TRPC5: variants seen among roughly 807,000 people sequenced by gnomAD.
TRPC5 encodes short transient receptor potential channel 5.
In TRPC5, 9 loss-of-function variants were observed where a neutral mutation model predicts 56.5. The ratio of observed to expected loss-of-function variants is 0.16; its 90% CI spans 0.10 to 0.28. TRPC5 has a LOEUF of 0.28. TRPC5 is among the 10% of genes least tolerant of loss of function. TRPC5 has a pLI of 1.00. For synonymous variants in TRPC5, 282 were observed against 278.5 expected, an observed-to-expected ratio of 1.01 and a Z score of -0.13; for missense variants, 469 against 748.9, an observed-to-expected ratio of 0.63 and a Z score of 4.36.
rs187531629 is a variant in TRPC5, at chrX:111,824,789, G to T, written c.1896+10132C>A. On this transcript the variant is annotated intron_variant, in intron 7 of 10. Coordinates refer to ENST00000262839, the MANE Select transcript of TRPC5 (RefSeq NM_012471.3). ...TTCTCCTCATTGTTGGGGCAGGGGG[G>T]ACTTCACTGCCTGTTGAAAAGATAG... 2.0e-4 allele frequency among the ~76,000 whole-genome samples: 22 copies of T among 112,008 alleles called. No homozygotes were observed. The East Asian group carries it at 3.9e-3, about 20-fold the overall frequency.
intron 1 of TRPC5, among the ~76,000 whole-genome samples, chrX:112,039,924 C>G (rs1193606641): frequency 2.7e-5 from 3 of 111,914 alleles, no homozygotes; most frequent in Admixed American, 1.9e-4. Flanking sequence ...TGGCATTTAC[C>G]TGACTACTGA....
chrX:111,841,775 A>G (rs1922741169), intron 6 of TRPC5, among the ~76,000 whole-genome samples: 1 of 111,044 alleles, frequency 9.0e-6, no homozygotes, highest in South Asian at 3.8e-4. Flanking sequence ...CAATGGCACA[A>G]TCTCAGCTCA....
chrX:112,020,390 C>T (rs764368468), intron 1 of TRPC5, among the ~76,000 whole-genome samples: 13 of 111,681 alleles, frequency 1.2e-4, no homozygotes, highest in South Asian at 3.8e-4. Flanking sequence ...TCTTTGAAGG[C>T]GAGTAATCAT....
chrX:111,910,552 T>C (rs1360850634), intron 3 of TRPC5, among the ~76,000 whole-genome samples: 1 of 112,420 alleles, frequency 8.9e-6, no homozygotes, highest in Non-Finnish European at 1.9e-5. Flanking sequence ...TTTTTTTTGA[T>C]ACACAGTCTC....
Position 111,778,308 on chromosome X carries a change from A to AT in TRPC5, c.2232+676_2232+677insA, listed in dbSNP as rs748965288. ...CTTAAAGTATAATAAAAAAATTAAA[A>AT]AATATATATATAGATGTGTTCTAGG... On this transcript the variant is annotated intron_variant, in intron 10 of 10. Coordinates refer to ENST00000262839, the MANE Select transcript of TRPC5 (RefSeq NM_012471.3). 1.5e-3 allele frequency among the ~76,000 whole-genome samples: 171 copies of AT among 111,391 alleles called. 3 individuals are homozygous for AT. The highest frequency in any genetic ancestry group is 5.5e-3 in the African/African-American group (169 of 30,616).
intron 1 of TRPC5, among the ~76,000 whole-genome samples, chrX:111,992,889 C>G (rs1344937830): frequency 1.8e-5 from 2 of 110,223 alleles, no homozygotes; most frequent in African/African-American, 3.3e-5. Context: ...TGTGCCCAGC[C>G]TTTAAAATTA....
intron 1 of TRPC5, among the ~76,000 whole-genome samples, chrX:112,029,136 A>AC (rs768324252): frequency 3.1e-4 from 33 of 106,237 alleles, no homozygotes; most frequent in African/African-American, 7.2e-4. Flanking sequence ...CCTCCCTCCA[A>AC]CCCCCCGTTA....
intron 7 of TRPC5, among the ~76,000 whole-genome samples, chrX:111,811,549 T>A (rs1425836281): frequency 9.0e-6 from 1 of 111,731 alleles, no homozygotes; most frequent in African/African-American, 3.3e-5. Flanking sequence ...AAGAGCAGTA[T>A]GAAATATTGA....
chrX:111,936,599 G>C (rs763773786), intron 2 of TRPC5, among the ~76,000 whole-genome samples: 1 of 103,434 alleles, frequency 9.7e-6, no homozygotes, highest in East Asian at 3.0e-4. Context: ...GCGGTGTTTG[G>C]TTTTTTGTTC....
At chrX:111,878,981 A>AG (rs1924081610) in intron 3 of TRPC5, among the ~76,000 whole-genome samples, 1 of 112,179 alleles carries the variant, frequency 8.9e-6, no homozygotes, top group Non-Finnish European at 1.9e-5. Context: ...TACTGAAACA[A>AG]TGCCAACATA....
chrX:111,914,085 G>C (rs1437523812), intron 2 of TRPC5, among the ~76,000 whole-genome samples: 3 of 111,289 alleles, frequency 2.7e-5, no homozygotes, highest in Non-Finnish European at 5.6e-5. Flanking sequence ...CTAGAGAAGG[G>C]GAGGGCTGGA....
At chrX:111,821,939 C>T (rs1922045205) in intron 7 of TRPC5, among the ~76,000 whole-genome samples, 1 of 111,319 alleles carries the variant, frequency 9.0e-6, no homozygotes, top group African/African-American at 3.3e-5. Flanking sequence ...GTTGGCACAA[C>T]CCTTCAGAGT....
chrX:111,943,952 G>C (rs1926852530), intron 2 of TRPC5, among the ~76,000 whole-genome samples: 1 of 112,260 alleles, frequency 8.9e-6, no homozygotes, highest in African/African-American at 3.2e-5. Context: ...ATGGAGTAAA[G>C]CTGAAAATAA....
chrX:111,823,636 T>C (rs746240736), intron 7 of TRPC5, among the ~76,000 whole-genome samples: 1 of 110,733 alleles, frequency 9.0e-6, no homozygotes, highest in African/African-American at 3.3e-5. Flanking sequence ...CTGGACACAC[T>C]AAAGAAGAAA....
At chrX:111,936,405 A>T (rs1182370134) in intron 2 of TRPC5, among the ~76,000 whole-genome samples, 1 of 108,436 alleles carries the variant, frequency 9.2e-6, no homozygotes, top group Non-Finnish European at 1.9e-5. Context: ...CAGGTTAGTT[A>T]TATATGTATA....
At chrX:112,025,065 A>T (rs1160827159) in intron 1 of TRPC5, among the ~76,000 whole-genome samples, 1 of 111,515 alleles carries the variant, frequency 9.0e-6, no homozygotes, top group Non-Finnish European at 1.9e-5. Context: ...TACAACACAA[A>T]CCCCTTGCTT....
chrX:112,012,957 C>G (rs769030343), intron 1 of TRPC5, among the ~76,000 whole-genome samples: 5 of 111,572 alleles, frequency 4.5e-5, no homozygotes, highest in Non-Finnish European at 9.4e-5. Context: ...ATTGAAAGCT[C>G]TAGTTATTAA....
chrX:112,039,780 CAG>C (rs1202368983), intron 1 of TRPC5, among the ~76,000 whole-genome samples: 5 of 111,868 alleles, frequency 4.5e-5, no homozygotes, highest in African/African-American at 1.6e-4. Context: ...TCTGCTGAAT[CAG>C]AGTCAGTGAG....
rs756647283 is a variant in TRPC5 at position 111,952,329 on chromosome X, G to T, written c.92C>A (p.Ala31Glu). The T allele has an allele frequency of 1.3e-5, 16 of 1,212,031 alleles. No individual in the cohort carries two copies. Among genetic ancestry groups the T allele is most frequent in the Non-Finnish European group, 1.8e-5 (16 of 895,619 alleles). The change falls in exon 2 of 11, where the codon GCA (alanine) becomes GAA (glutamate). Residue 31 changes from alanine to glutamate, a missense_variant. Ala to Glu is a moderately radical substitution (Grantham distance 107, BLOSUM62 -1). This residue lies in a region of TRPC5 where 118 missense variants were observed against 167.1 expected (regional missense o/e 0.71). Transcript: ENST00000262839. ...AGCATTGAGGAAGGCCTTCTCCTCT[G>T]CAGAGAGCTCTGTCTCAGCCCTCAC... ...QIVRAETELS[A>E]EEKAFLNAVE...
Sources: gnomAD v4.1 joint callset for allele counts (sites outside exome capture counted in the v4.1 genomes callset) on GRCh38, gnomAD v4.1.1 for gene constraint, gnomAD v4.1.1 regional missense constraint, MANE v1.5 for transcripts, NCBI Gene and HGNC (gene_info 2026-07-23, HGNC 2026-07-21) for gene names.